EXOC6B: variants seen among roughly 807,000 people sequenced by gnomAD.
EXOC6B encodes the protein exocyst complex component 6B, also known as SEC15 homolog B.
In EXOC6B, 54 loss-of-function variants were observed where a neutral mutation model predicts 113.5. The ratio of observed to expected loss-of-function variants is 0.48; its 90% CI spans 0.38 to 0.60. The LOEUF (loss-of-function observed/expected upper bound fraction) is 0.60, where lower values mean the gene tolerates loss of function less well. EXOC6B is among the 20% of genes least tolerant of loss of function. The pLI is 0.00. For synonymous variants in EXOC6B, 357 were observed against 339.0 expected (o/e 1.05, Z -0.58); for missense variants, 797 against 977.5 (o/e 0.82, Z 2.46).
At chr2:72,627,741 C>T (rs910039793) in intron 6 of EXOC6B, among the ~76,000 whole-genome samples, 11 of 152,166 alleles carry the variant, frequency 7.2e-5, no homozygotes, top group African/African-American at 2.7e-4. Flanking sequence ...TGCATTAGGT[C>T]AAGGTTAGGA....
rs148338634 is a variant in EXOC6B, at chr2:72,406,839, G to C, written c.1981-26969C>G. Among the ~76,000 whole-genome samples, 548 of 152,206 alleles carry C rather than the reference G, an allele frequency of 3.6e-3. 4 individuals are homozygous for C. Among genetic ancestry groups the C allele is most frequent in the African/African-American group, 0.012 (497 of 41,538 alleles). ...ACATTCAAAAGCTAGCAGAAGGCAAGAAATAACTAAGATCAGAGCAGAACT... is the reference window on the plus strand; with the variant it reads ...ACATTCAAAAGCTAGCAGAAGGCAACAAATAACTAAGATCAGAGCAGAACT... On this transcript the variant is annotated intron_variant, in intron 18 of 21. Transcript: ENST00000272427.
intron 20 of EXOC6B, among the ~76,000 whole-genome samples, chr2:72,296,110 A>C (rs994422394): frequency 6.6e-6 from 1 of 151,998 alleles, no homozygotes; most frequent in African/African-American, 2.4e-5. Context: ...AATAATATTA[A>C]ATAATAATAT....
chr2:72,590,133 A>G (rs1705840328), intron 6 of EXOC6B, among the ~76,000 whole-genome samples: 1 of 151,998 alleles, frequency 6.6e-6, no homozygotes, highest in East Asian at 1.9e-4. Context: ...GATAGAAGTC[A>G]CTGGCTATAT....
At chr2:72,720,505 T>C (rs183070138) in intron 5 of EXOC6B, among the ~76,000 whole-genome samples, 1 of 152,284 alleles carries the variant, frequency 6.6e-6, no homozygotes, top group Admixed American at 6.5e-5. Context: ...GCCAACACTT[T>C]GGGAGGTCAA....
At chr2:72,321,249 C>A (rs1286501305) in intron 20 of EXOC6B, among the ~76,000 whole-genome samples, 1 of 152,118 alleles carries the variant, frequency 6.6e-6, no homozygotes, top group East Asian at 1.9e-4. Context: ...CACATAAAAA[C>A]CTGTACACAA....
At chr2:72,736,442 T>C (rs1052975245) in intron 2 of EXOC6B, among the ~76,000 whole-genome samples, 5 of 152,150 alleles carry the variant, frequency 3.3e-5, no homozygotes, top group African/African-American at 7.2e-5. Context: ...CTAGGTCAAA[T>C]GAATCCCCTT....
At chr2:72,350,035 A>G (rs545953231) in intron 19 of EXOC6B, among the ~76,000 whole-genome samples, 24 of 152,144 alleles carry the variant, frequency 1.6e-4, no homozygotes, top group Non-Finnish European at 3.4e-4. Flanking sequence ...AGGGCAGTAC[A>G]ACTCGATATT....
chr2:72,484,382 C>A lies in EXOC6B; in HGVS notation c.1666-3632G>T, dbSNP rs1211374554. 2.7e-5 allele frequency among the ~76,000 whole-genome samples: 4 copies of A among 149,946 alleles called. No individual in the cohort carries two copies. In the South Asian group the frequency reaches 6.4e-4, roughly 24 times the overall value. ...GACCATCCTGGCTAACACGGTGAAA[C>A]CCCGTCTCTACTAAAAATACAAAAA... On this transcript the variant is annotated intron_variant, in intron 16 of 21. Transcript: ENST00000272427.
At chr2:72,744,007 G>A (rs1681525616) in intron 1 of EXOC6B, among the ~76,000 whole-genome samples, 1 of 152,124 alleles carries the variant, frequency 6.6e-6, no homozygotes, top group Non-Finnish European at 1.5e-5. Flanking sequence ...GCTTTGTATT[G>A]TAGTGCAACA....
intron 11 of EXOC6B, among the ~76,000 whole-genome samples, chr2:72,507,979 G>A (rs1700687347): frequency 6.7e-6 from 1 of 150,344 alleles, no homozygotes. Flanking sequence ...GACAGTGCAT[G>A]GAATAAATCT....
In EXOC6B at chr2:72,404,280, G is replaced by T. The variant is rs189182306; in HGVS notation, c.1981-24410C>A. Among the ~76,000 whole-genome samples the T allele has an allele frequency of 3.8e-3, 578 of 152,298 alleles. 6 individuals carry two copies. Among genetic ancestry groups the T allele is most frequent in the African/African-American group, 0.013 (556 of 41,584 alleles). On this transcript the variant is annotated intron_variant, in intron 18 of 21. Coordinates refer to ENST00000272427, the MANE Select transcript of EXOC6B (RefSeq NM_015189.3). ...CCTGCCTCTGTAGACTCCACCTCTG[G>T]GGGCAGGGCATAGCAAAACAAAAGG...
intron 7 of EXOC6B, among the ~76,000 whole-genome samples, chr2:72,571,571 G>A (rs949405885): frequency 7.2e-5 from 11 of 152,062 alleles, no homozygotes; most frequent in Non-Finnish European, 1.0e-4. Flanking sequence ...CTAGAAATAC[G>A]TTTCTTTATA....
intron 1 of EXOC6B, among the ~76,000 whole-genome samples, chr2:72,745,080 G>C (rs1681607606): frequency 6.6e-6 from 1 of 152,122 alleles, no homozygotes; most frequent in African/African-American, 2.4e-5. Context: ...AGTATCTACA[G>C]TTCGCCTCCA....
At chr2:72,427,140 C>T (rs1695242354) in intron 18 of EXOC6B, among the ~76,000 whole-genome samples, 2 of 152,208 alleles carry the variant, frequency 1.3e-5, no homozygotes, top group African/African-American at 4.8e-5. Flanking sequence ...AGTGGGAGCC[C>T]CCCTGGAGCC....
At chr2:72,520,158 T>TTGTTTATTGTTG (rs1243992055) in intron 8 of EXOC6B, among the ~76,000 whole-genome samples, 1 of 152,220 alleles carries the variant, frequency 6.6e-6, no homozygotes, top group African/African-American at 2.4e-5. Context: ...TCAGTTTATC[T>TTGTTTATTGTTG]TGTTTATTGT....
At chr2:72,559,038 A>G (rs888069871) in intron 8 of EXOC6B, among the ~76,000 whole-genome samples, 3 of 152,188 alleles carry the variant, frequency 2.0e-5, no homozygotes, top group African/African-American at 7.2e-5. Context: ...ATTAACATCT[A>G]TAATATCCCC....
intron 6 of EXOC6B, among the ~76,000 whole-genome samples, chr2:72,578,007 ATTC>A (rs1246604658): frequency 1.3e-5 from 2 of 152,086 alleles, no homozygotes; most frequent in Non-Finnish European, 2.9e-5. Context: ...CTTCATATAT[ATTC>A]TTCTCTGATT....
At chr2:72,801,126 C>A (rs1685250441) in intron 1 of EXOC6B, among the ~76,000 whole-genome samples, 1 of 152,126 alleles carries the variant, frequency 6.6e-6, no homozygotes, top group Non-Finnish European at 1.5e-5. Context: ...AATTAGGAAG[C>A]CCCTTGTTAT....
intron 18 of EXOC6B, among the ~76,000 whole-genome samples, chr2:72,436,648 T>C (rs1033086766): frequency 6.6e-6 from 1 of 152,132 alleles, no homozygotes; most frequent in Non-Finnish European, 1.5e-5. Context: ...TTTCATTAAG[T>C]TGATCTTCAG....
Sources: allele counts gnomAD v4.1 joint callset (sites outside exome capture counted in the v4.1 genomes callset), GRCh38; gene constraint gnomAD v4.1.1; transcripts MANE v1.5; gene names NCBI Gene and HGNC (gene_info 2026-07-23, HGNC 2026-07-21).